The following TMPRSS15 variants were observed in gnomAD, a reference collection of about 807,000 sequenced individuals.
TMPRSS15 encodes the protein enteropeptidase.
A neutral mutation model predicts 125.3 loss-of-function variants in TMPRSS15; 128 were observed. The observed-to-expected ratio is 1.02, with a 90% CI of 0.89 to 1.18. The LOEUF (loss-of-function observed/expected upper bound fraction) is 1.18. Ranked by LOEUF, TMPRSS15 falls within the 50% of genes most tolerant of loss-of-function variation. TMPRSS15 has a pLI of 0.00. For missense variants in TMPRSS15, 1,283 were observed against 1,212.7 expected (o/e 1.06, Z -0.86); for synonymous variants, 446 against 423.2 (o/e 1.05, Z -0.66).
At chr21:18,366,867 G>T (rs1209313920) in intron 6 of TMPRSS15, among the ~76,000 whole-genome samples, 1 of 151,930 alleles carries the variant, frequency 6.6e-6, no homozygotes, top group African/African-American at 2.4e-5. Flanking sequence ...CTATGAAAAA[G>T]CTCATCGTAA....
intron 3 of TMPRSS15, among the ~76,000 whole-genome samples, chr21:18,389,209 GA>G (rs201303423): frequency 0.018 from 2,657 of 148,302 alleles, 81 homozygotes; most frequent in African/African-American, 0.061. Context: ...AGAAAGAAAA[GA>G]AAAAAAGAAA....
chr21:18,341,630 T>C, intron 12 of TMPRSS15, 82 bp from the exon 13 acceptor site: 1 of 1,425,812 alleles, frequency 7.0e-7, no homozygotes, highest in Admixed American at 1.7e-5. Flanking sequence ...GCCCAAGAGA[T>C]TCAATATTGT....
rs748734623 is a variant in TMPRSS15, at chr21:18,403,667, T to C, written c.-45A>G. 29 of 1,611,674 alleles carry C rather than the reference T, an allele frequency of 1.8e-5. No homozygotes were observed. The highest frequency in any genetic ancestry group is 2.5e-5 in the Non-Finnish European group (29 of 1,178,202). ...CTAATTTAAGAACTGAAAGAGAATA[T>C]AAATAATTCTACCAACTGAAGAGAA... On this transcript the variant is annotated 5_prime_UTR_variant, in exon 1 of 25. Transcript: ENST00000284885.
intron 1 of TMPRSS15, among the ~76,000 whole-genome samples, chr21:18,468,058 C>T (rs1398581117): frequency 6.6e-6 from 1 of 152,012 alleles, no homozygotes; most frequent in Non-Finnish European, 1.5e-5. Flanking sequence ...ATAAAAATTA[C>T]AAAATTATAG....
chr21:18,298,665 C>T (rs1477496826), intron 18 of TMPRSS15, among the ~76,000 whole-genome samples: 2 of 152,182 alleles, frequency 1.3e-5, no homozygotes, highest in African/African-American at 4.8e-5. Flanking sequence ...AGATTTTAAT[C>T]ATCATATAAA....
At chr21:18,357,029 C>T (rs560486475) in intron 8 of TMPRSS15, among the ~76,000 whole-genome samples, 18 of 151,864 alleles carry the variant, frequency 1.2e-4, no homozygotes, top group South Asian at 1.0e-3. Context: ...AGACACAATT[C>T]CTGGGCTAAG....
intron 1 of TMPRSS15, among the ~76,000 whole-genome samples, chr21:18,482,993 TG>T (rs1338325471): frequency 2.6e-5 from 4 of 151,756 alleles, no homozygotes; most frequent in Admixed American, 6.6e-5. Context: ...GTTAAATTAC[TG>T]GGTCCCAGGT....
rs1189781819 is a variant in TMPRSS15, at chr21:18,393,909, G to A, written c.344+3970C>T. Among the ~76,000 whole-genome samples, 6 of 152,132 alleles carry A rather than the reference G, an allele frequency of 3.9e-5. 1 individual carries two copies. The East Asian group carries it at 9.6e-4, about 24-fold the overall frequency. ...TGTCTTAATGATAGTGGTTGAATGA[G>A]CTCTTTAATAAAAGACTTTCTCTTA... is the stretch of plus-strand genomic sequence containing the variant. On this transcript the variant is annotated intron_variant, in intron 3 of 24. Coordinates refer to ENST00000284885, the MANE Select transcript of TMPRSS15 (RefSeq NM_002772.3).
intron 15 of TMPRSS15, 37 bp from the exon 16 acceptor site, chr21:18,326,609 T>C (rs1332197037): frequency 1.9e-6 from 3 of 1,613,358 alleles, no homozygotes; most frequent in Non-Finnish European, 8.5e-7. Context: ...AGTGAGATGA[T>C]CCTTTGGATC....
intron 1 of TMPRSS15, among the ~76,000 whole-genome samples, chr21:18,426,468 T>C (rs2076202857): frequency 6.6e-6 from 1 of 152,170 alleles, no homozygotes; most frequent in African/African-American, 2.4e-5. Flanking sequence ...TTTGATTTTA[T>C]TAAAACTTCA....
At chr21:18,282,003 C>T (rs112900059) in intron 21 of TMPRSS15, among the ~76,000 whole-genome samples, 7,045 of 144,356 alleles carry the variant, frequency 0.049, 457 homozygotes, top group African/African-American at 0.16. Flanking sequence ...GGGGCAGAGG[C>T]AGGAGAATGG....
intron 10 of TMPRSS15, among the ~76,000 whole-genome samples, chr21:18,349,731 T>TA (rs1346607087): frequency 3.3e-5 from 5 of 152,132 alleles, no homozygotes; most frequent in Admixed American, 6.6e-5. Flanking sequence ...TGTCTAATTT[T>TA]AAAAAACTCC....
chr21:18,289,064 G>A (rs28436100), intron 21 of TMPRSS15, among the ~76,000 whole-genome samples: 28,335 of 151,996 alleles, frequency 0.19, 3,621 homozygotes, highest in African/African-American at 0.36. Context: ...CCTGTGTTCT[G>A]CTTAAAGCAT....
chr21:18,424,945 A>G (rs1750846664), intron 1 of TMPRSS15, among the ~76,000 whole-genome samples: 1 of 149,018 alleles, frequency 6.7e-6, no homozygotes. Flanking sequence ...ATATTCATAC[A>G]TGTGTGAATT....
At chr21:18,307,716 C>T (rs1015057298) in intron 18 of TMPRSS15, among the ~76,000 whole-genome samples, 1 of 151,924 alleles carries the variant, frequency 6.6e-6, no homozygotes, top group Non-Finnish European at 1.5e-5. Flanking sequence ...TGTATGTTTC[C>T]TTCCAATTCA....
rs1487838545 is a variant in TMPRSS15 at position 18,372,229 on chromosome 21, A to T, written c.628T>A (p.Cys210Ser). ...ADLFCDGEVN[C>S]PDGSDEDNKM... Reference sequence around the variant, plus strand: ...TTGTCTTCGTCAGAACCATCTGGACAGTTTACTTCTCCATCACAAAATAAA... The same window carrying T: ...TTGTCTTCGTCAGAACCATCTGGACTGTTTACTTCTCCATCACAAAATAAA... Residue 210 changes from cysteine to serine, a missense_variant, in exon 6 of 25, where the codon TGT becomes AGT. By Grantham distance (112) the Cys-to-Ser change is moderately radical. Transcript: ENST00000284885. 1.2e-6 allele frequency: 2 copies of T among 1,612,652 alleles called. No homozygotes were observed. The highest frequency in any genetic ancestry group is 1.7e-6 in the Non-Finnish European group (2 of 1,179,264).
intron 7 of TMPRSS15, 38 bp downstream of exon 7, chr21:18,365,102 T>C (rs755844175): frequency 1.9e-6 from 3 of 1,560,096 alleles, no homozygotes; most frequent in Non-Finnish European, 2.7e-6. Context: ...AAAAACGCTT[T>C]ATGACTTAAG....
chr21:18,364,295 T>A (rs1288303676), intron 7 of TMPRSS15, among the ~76,000 whole-genome samples: 2 of 152,138 alleles, frequency 1.3e-5, no homozygotes, highest in Non-Finnish European at 2.9e-5. Flanking sequence ...AATTAGAATA[T>A]AATTTTTCAT....
intron 3 of TMPRSS15, among the ~76,000 whole-genome samples, chr21:18,391,687 C>T (rs548616255): frequency 2.6e-4 from 40 of 152,308 alleles, no homozygotes; most frequent in Middle Eastern, 3.4e-3. Flanking sequence ...GTCTGGAGGA[C>T]GGTGGCTGTC....
Sources: gnomAD v4.1 joint callset for allele counts (sites outside exome capture counted in the v4.1 genomes callset) on GRCh38, gnomAD v4.1.1 for gene constraint, MANE v1.5 for transcripts, NCBI Gene and HGNC (gene_info 2026-07-23, HGNC 2026-07-21) for gene names.